The following EIF1AX variants were observed in gnomAD, a reference collection of about 807,000 sequenced individuals.
EIF1AX encodes the protein eukaryotic translation initiation factor 1A, X-chromosomal.
In EIF1AX, 1 loss-of-function variant was observed where a neutral mutation model predicts 16.1. The observed-to-expected ratio is 0.06, with a 90% CI of 0.02 to 0.30. EIF1AX has a LOEUF of 0.30. Among genes scored for constraint, EIF1AX ranks in the 10% least tolerant of loss-of-function variants. The pLI is 1.00. For missense variants in EIF1AX, 11 were observed against 109.1 expected, an observed-to-expected ratio of 0.10 and a Z score of 4.00; for synonymous variants, 32 against 37.3, an observed-to-expected ratio of 0.86 and a Z score of 0.51.
rs2066981971 is a variant in EIF1AX, at chrX:20,125,301, T to C, written c.*3005A>G. The C allele has an allele frequency of 5.9e-6, 1 of 168,733 alleles. No homozygotes were observed. Among genetic ancestry groups the C allele is most frequent in the Admixed American group, 8.0e-5 (1 of 12,526 alleles). The allele number at this position is 168,733 out of a possible 1,213,427, so 13.9% of individuals were successfully genotyped here. ...ACATTCTCCAAATTGCTCAGTTCAT[T>C]CTATACCTGAGAGTCTTGTGTCTTT... On this transcript the variant is annotated 3_prime_UTR_variant, in exon 7 of 7. Coordinates refer to ENST00000379607, the MANE Select transcript of EIF1AX (RefSeq NM_001412.4).
At chrX:20,131,679 GTTTTTTTTTT>G (rs758358275) in intron 5 of EIF1AX, among the ~76,000 whole-genome samples, 3 of 85,839 alleles carry the variant, frequency 3.5e-5, no homozygotes, top group Admixed American at 2.6e-4. Context: ...TTGCTTCATG[GTTTTTTTTTT>G]TTTTTTTTTT....
chrX:20,131,370 C>T (rs1293044022), intron 5 of EIF1AX, among the ~76,000 whole-genome samples: 6 of 111,051 alleles, frequency 5.4e-5, no homozygotes, highest in African/African-American at 9.8e-5. Context: ...TGGTGGTTCA[C>T]GCCTGAAATC....
chrX:20,128,389 C>A, intron 6 of EIF1AX, 78 bp from the exon 7 acceptor site: 1 of 851,518 alleles, frequency 1.2e-6, no homozygotes, highest in East Asian at 3.3e-5. Context: ...ATAAGGGAGA[C>A]TTTCACCTCC....
In EIF1AX at chrX:20,126,551, A is replaced by C. The variant is rs1304953017; in HGVS notation, c.*1755T>G. ...CTACCAGGAACTATATCAAATATGCAAAGTTCAAACATTCTTAGTAAAATA... is the reference window on the plus strand; with the variant it reads ...CTACCAGGAACTATATCAAATATGCCAAGTTCAAACATTCTTAGTAAAATA... On this transcript the variant is annotated 3_prime_UTR_variant, in exon 7 of 7. Transcript: ENST00000379607. The C allele has an allele frequency of 7.2e-6, 1 of 138,593 alleles. No homozygotes were observed. Among genetic ancestry groups the C allele is most frequent in the African/African-American group, 3.2e-5 (1 of 30,897 alleles). 11.4% of individuals were successfully genotyped at this position (138,593 alleles called of 1,213,427 possible). A position where few individuals can be genotyped will look rare whatever the true frequency, so the allele number is the denominator to read the frequency against.
At chrX:20,141,587 C>G in intron 1 of EIF1AX, 38 bp downstream of exon 1, 2 of 1,144,178 alleles carry the variant, frequency 1.7e-6, no homozygotes, top group Non-Finnish European at 2.3e-6. Flanking sequence ...GAGACCCGGC[C>G]GAGCAGAGCC....
At position 20,128,937 on chromosome X, in the gene EIF1AX, T is replaced by C. The variant is rs759020927; in HGVS notation, c.430-626A>G. 1.6e-3 allele frequency among the ~76,000 whole-genome samples: 175 copies of C among 109,773 alleles called. 1 individual carries two copies. The highest frequency in any genetic ancestry group is 9.2e-3 in the Middle Eastern group (2 of 217). On this transcript the variant is annotated intron_variant, in intron 6 of 6. Transcript: ENST00000379607. Reference sequence around the variant, plus strand: ...TGTTCTCTGGTTAGGTTCCTTAATTTTTTTTTTTTTTTAAAGAGGCCTTCT... The same window carrying C: ...TGTTCTCTGGTTAGGTTCCTTAATTCTTTTTTTTTTTTAAAGAGGCCTTCT...
Position 20,125,205 on chromosome X carries a change from G to A in EIF1AX, c.*3101C>T, listed in dbSNP as rs1417845776. The A allele has an allele frequency of 1.3e-5, 2 of 158,897 alleles. No homozygotes were observed. The highest frequency in any genetic ancestry group is 1.9e-4 in the East Asian group (2 of 10,599). The allele number at this position is 158,897 out of a possible 1,213,427, so 13.1% of individuals were successfully genotyped here. On this transcript the variant is annotated 3_prime_UTR_variant, in exon 7 of 7. Coordinates refer to ENST00000379607, the MANE Select transcript of EIF1AX (RefSeq NM_001412.4). ...CAGGATCCATGCTCTCCCCTCTCCA[G>A]TACACTGCCTCACAAGTACCTAGCA...
At chrX:20,134,057 A>G in intron 3 of EIF1AX, 50 bp from the exon 4 acceptor site, 3 of 1,105,234 alleles carry the variant, frequency 2.7e-6, no homozygotes, top group Non-Finnish European at 2.5e-6. Flanking sequence ...CGAAGAATCA[A>G]GAAATTCCAG....
rs1383242668 is a variant in EIF1AX, at chrX:20,141,599, TGGTCCGGG to T, written c.16+18_16+25del. 3.5e-6 allele frequency: 4 copies of T among 1,150,570 alleles called. No individual in the cohort carries two copies. The allele number at this position is 1,150,570 out of a possible 1,213,427, so 94.8% of individuals were successfully genotyped here. A position where few individuals can be genotyped will look rare whatever the true frequency, so the allele number is the denominator to read the frequency against. On this transcript the variant is annotated intron_variant, in intron 1 of 6. Transcript: ENST00000379607. Reference sequence around the variant, plus strand: ...TGGGAGACCCGGCCGAGCAGAGCCGTGGTCCGGGGGTCCGGGCGGCATTACCTTTATTC... The same window carrying T: ...TGGGAGACCCGGCCGAGCAGAGCCGTGGTCCGGGCGGCATTACCTTTATTC...
intron 4 of EIF1AX, among the ~76,000 whole-genome samples, chrX:20,133,455 C>T (rs2067006711): frequency 9.0e-6 from 1 of 110,627 alleles, no homozygotes; most frequent in Non-Finnish European, 1.9e-5. Context: ...GAGGGCAAAA[C>T]TGCCCACAGT....
At chrX:20,135,284 A>G (rs2067013115) in intron 3 of EIF1AX, among the ~76,000 whole-genome samples, 1 of 110,428 alleles carries the variant, frequency 9.1e-6, no homozygotes, top group African/African-American at 3.3e-5. Flanking sequence ...CATCTCTACA[A>G]AAAATACAGA....
Position 20,128,159 on chromosome X carries a change from A to T in EIF1AX, c.*147T>A. 1.9e-6 allele frequency: 1 copy of T among 537,433 alleles called. No individual in the cohort carries two copies. Among genetic ancestry groups the T allele is most frequent in the Non-Finnish European group, 2.9e-6 (1 of 348,010 alleles). The allele number at this position is 537,433 out of a possible 1,213,427, so 44.3% of individuals were successfully genotyped here. A position where few individuals can be genotyped will look rare whatever the true frequency, so the allele number is the denominator to read the frequency against. The stretch of plus-strand genomic sequence containing the variant: ...AATTCAGCATTATTATCAGTTTTAA[A>T]AAAACCAAAAATATCTTAGAAACAA... On this transcript the variant is annotated 3_prime_UTR_variant, in exon 7 of 7. Coordinates refer to ENST00000379607, the MANE Select transcript of EIF1AX (RefSeq NM_001412.4).
At position 20,124,973 on chromosome X, in the gene EIF1AX, T is replaced by C. The variant is rs1346700898; in HGVS notation, c.*3333A>G. On this transcript the variant is annotated 3_prime_UTR_variant, in exon 7 of 7. Coordinates refer to ENST00000379607, the MANE Select transcript of EIF1AX (RefSeq NM_001412.4). ...ATCTTACATAGTACTGGATATCAAG[T>C]GAAAAGAGCAGACACTGATCTAAGT... 6.8e-6 allele frequency: 1 copy of C among 147,974 alleles called. No homozygotes were observed. Among genetic ancestry groups the C allele is most frequent in the Non-Finnish European group, 1.3e-5 (1 of 74,849 alleles). The allele number at this position is 147,974 out of a possible 1,213,427, so 12.2% of individuals were successfully genotyped here.
At chrX:20,138,250 G>A (rs1338594100) in intron 2 of EIF1AX, among the ~76,000 whole-genome samples, 1 of 109,278 alleles carries the variant, frequency 9.2e-6, no homozygotes, top group Admixed American at 9.8e-5. Flanking sequence ...TGATCCGCCC[G>A]CCTTGGCCTC....
At chrX:20,135,248 C>T (rs2067013009) in intron 3 of EIF1AX, among the ~76,000 whole-genome samples, 1 of 110,208 alleles carries the variant, frequency 9.1e-6, no homozygotes, top group Non-Finnish European at 1.9e-5. Flanking sequence ...GGATTCGAAA[C>T]CAGCCTAAGC....
intron 6 of EIF1AX, among the ~76,000 whole-genome samples, chrX:20,128,861 G>A (rs1379672793): frequency 9.0e-6 from 1 of 110,812 alleles, no homozygotes; most frequent in Admixed American, 9.7e-5. Flanking sequence ...TCTTGACCAC[G>A]CCTAGATTCT....
intron 1 of EIF1AX, chrX:20,140,128 T>G (rs1452879353): frequency 1.8e-5 from 2 of 112,414 alleles, no homozygotes; most frequent in Non-Finnish European, 3.8e-5. Flanking sequence ...AGAGAGGCTC[T>G]TTCTTAAGAC....
At position 20,125,530 on chromosome X, in the gene EIF1AX, A is replaced by C. The variant is rs1368408532; in HGVS notation, c.*2776T>G. 2 of 168,804 alleles carry C rather than the reference A, an allele frequency of 1.2e-5. No homozygotes were observed. Among genetic ancestry groups the C allele is most frequent in the Non-Finnish European group, 2.3e-5 (2 of 88,083 alleles). 13.9% of individuals were successfully genotyped at this position (168,804 alleles called of 1,213,427 possible). ...TTTTCATCTTTATGACAGTCAGGTAACATCAAAAAAACCTTGCTTTCATTC... is the reference window on the plus strand; with the variant it reads ...TTTTCATCTTTATGACAGTCAGGTACCATCAAAAAAACCTTGCTTTCATTC... On this transcript the variant is annotated 3_prime_UTR_variant, in exon 7 of 7. Transcript: ENST00000379607.
intron 5 of EIF1AX, among the ~76,000 whole-genome samples, chrX:20,131,567 G>A (rs927550722): frequency 1.8e-5 from 2 of 110,429 alleles, no homozygotes; most frequent in Admixed American, 9.7e-5. Context: ...AGAGGTTGCA[G>A]TGAGCCAAGA....
Sources: allele counts gnomAD v4.1 joint callset (sites outside exome capture counted in the v4.1 genomes callset), GRCh38; gene constraint gnomAD v4.1.1; transcripts MANE v1.5; gene names NCBI Gene and HGNC (gene_info 2026-07-23, HGNC 2026-07-21).